Variants in STAT4 observed in about 807,000 individuals in gnomAD.
The protein encoded by STAT4 is signal transducer and activator of transcription 4.
STAT4 carries 42 observed loss-of-function variants against 110.5 expected under a neutral mutation model. That is an observed-to-expected ratio of 0.38 (90% CI 0.30 to 0.49). STAT4 has a LOEUF of 0.49. Among genes scored for constraint, STAT4 ranks in the 20% least tolerant of loss-of-function variants. The pLI, the probability that STAT4 is intolerant of heterozygous loss-of-function variation, is 0.95. For missense variants in STAT4, 632 were observed against 887.9 expected (o/e 0.71, Z 3.66); for synonymous variants, 284 against 302.2 (o/e 0.94, Z 0.63).
At chr2:191,075,647 G>A (rs1697293422) in intron 4 of STAT4, among the ~76,000 whole-genome samples, 2 of 152,092 alleles carry the variant, frequency 1.3e-5, no homozygotes, top group South Asian at 2.1e-4. Flanking sequence ...GGGAAATGAT[G>A]TATAGATAAG....
intron 3 of STAT4, among the ~76,000 whole-genome samples, chr2:191,128,544 A>AT (rs1343085122): frequency 3.3e-5 from 5 of 152,332 alleles, no homozygotes; most frequent in African/African-American, 7.2e-5. Flanking sequence ...CTGAAAAGAC[A>AT]TTTTTTACAG....
rs920894551 is a variant in STAT4 at position 191,030,655 on chromosome 2, T to C, written c.2220+317A>G. 1 of 235,644 alleles carries C rather than the reference T, an allele frequency of 4.2e-6. No homozygotes were observed. The highest frequency in any genetic ancestry group is 1.0e-4 in the East Asian group (1 of 9,784). The allele number at this position is 235,644 out of a possible 1,614,324, so 14.6% of individuals were successfully genotyped here. ...AAATGGTGTTTGCTAAAGTAGAGAGTGGTGGGGAGTGAGGGGGCCCATGGT... is the reference window on the plus strand; with the variant it reads ...AAATGGTGTTTGCTAAAGTAGAGAGCGGTGGGGAGTGAGGGGGCCCATGGT... On this transcript the variant is annotated intron_variant, in intron 23 of 23. Coordinates refer to ENST00000392320, the MANE Select transcript of STAT4 (RefSeq NM_003151.4). This position sits in a 1 kb window ranked among gnomAD's most constrained non-coding sequence, Gnocchi z 4.4.
chr2:191,141,433 CATATACATATGTATATCACAT>C (rs1197918074), intron 3 of STAT4, among the ~76,000 whole-genome samples: 1,327 of 40,146 alleles, frequency 0.033, 37 homozygotes, highest in African/African-American at 0.096. Flanking sequence ...CACATACATA[CATATACATATGTATATCACAT>C]ATATACATAT....
rs1398299066 is a variant in STAT4, at chr2:191,067,310, T to A, written c.545-795A>T. On this transcript the variant is annotated intron_variant, in intron 6 of 23. Coordinates refer to ENST00000392320, the MANE Select transcript of STAT4 (RefSeq NM_003151.4). Reference sequence around the variant, plus strand: ...TCAAGGTCTCTCTCAATCTTTCGTCTCTCCATAGCACACGTGAAGTGCTCG... The same window carrying A: ...TCAAGGTCTCTCTCAATCTTTCGTCACTCCATAGCACACGTGAAGTGCTCG... Among the ~76,000 whole-genome samples the A allele has an allele frequency of 3.3e-5, 5 of 152,056 alleles. 1 individual carries two copies. Among genetic ancestry groups the A allele is most frequent in the Non-Finnish European group, 7.4e-5 (5 of 67,994 alleles).
chr2:191,099,778 T>A lies in STAT4; in HGVS notation c.274-23453A>T, dbSNP rs1574154613. 6.6e-6 allele frequency among the ~76,000 whole-genome samples: 1 copy of A among 151,896 alleles called. No homozygotes were observed. The highest frequency in any genetic ancestry group is 2.4e-5 in the African/African-American group (1 of 41,366). ...TTGAAGGTAGTGGTGTGGATGGAGG[T>A]AAGGAAAAAAGAAGTGGGATAAAAA... On this transcript the variant is annotated intron_variant, in intron 3 of 23. Transcript: ENST00000392320. This position sits in a 1 kb window ranked among gnomAD's most constrained non-coding sequence, Gnocchi z 4.1.
At chr2:191,123,592 C>T (rs541416647) in intron 3 of STAT4, among the ~76,000 whole-genome samples, 48 of 152,300 alleles carry the variant, frequency 3.2e-4, no homozygotes, top group Non-Finnish European at 5.0e-4. Context: ...GTGTTTAATA[C>T]ACCTAACTTA....
chr2:191,112,732 G>A lies in STAT4; in HGVS notation c.273+33881C>T, dbSNP rs1358173035. Among the ~76,000 whole-genome samples, 5 of 152,196 alleles carry A rather than the reference G, an allele frequency of 3.3e-5. No homozygotes were observed. The highest frequency in any genetic ancestry group is 4.1e-4 in the South Asian group (2 of 4,832). ...GAGGAACACTGAAGCCTAGGGAGGG[G>A]AAGGTCGCCCAGTTACAAATGGTAG... On this transcript the variant is annotated intron_variant, in intron 3 of 23. Transcript: ENST00000392320. This position sits in a 1 kb window ranked among gnomAD's most constrained non-coding sequence, Gnocchi z 4.3.
intron 3 of STAT4, among the ~76,000 whole-genome samples, chr2:191,078,722 T>C (rs1259121481): frequency 6.6e-6 from 1 of 152,172 alleles, no homozygotes. Context: ...TCATTTTCTG[T>C]AGTGTATCAG....
At chr2:191,122,644 T>G (rs920972196) in intron 3 of STAT4, among the ~76,000 whole-genome samples, 2 of 152,222 alleles carry the variant, frequency 1.3e-5, no homozygotes, top group Non-Finnish European at 2.9e-5. Context: ...AATTGTACTA[T>G]AGTTATACAA....
chr2:191,062,806 G>C lies in STAT4; in HGVS notation c.897C>G (p.His299Gln). The change falls in exon 9 of 24, where the codon CAC becomes CAG. Residue 299 changes from histidine (H) to glutamine (Q), a missense_variant. By Grantham distance (24) the His-to-Gln change is conservative. This residue lies in a region of STAT4 where 488 missense variants were observed against 632.8 expected (regional missense o/e 0.77). Transcript: ENST00000392320. The surrounding 1 kb of genome is among the most constrained non-coding windows in gnomAD (Gnocchi z 4.9). ...EGDPIPMQRTHMLERVTFLIY... is the reference protein window; with the variant it reads ...EGDPIPMQRTQMLERVTFLIY... The stretch of plus-strand genomic sequence containing the variant: ...TCAAGAAGGTGACTCTTTCTAGCAT[G>C]TGAGTTCTTTGCATTGGAATGGGAT... The C allele has an allele frequency of 1.2e-6, 2 of 1,613,908 alleles. No individual in the cohort carries two copies. The highest frequency in any genetic ancestry group is 2.2e-5 in the South Asian group (2 of 91,082).
In STAT4 at chr2:191,037,876, G is replaced by A. The variant is rs1304369988; in HGVS notation, c.1434+1323C>T. 1.3e-5 allele frequency among the ~76,000 whole-genome samples: 2 copies of A among 152,230 alleles called. No homozygotes were observed. Among genetic ancestry groups the A allele is most frequent in the Non-Finnish European group, 2.9e-5 (2 of 68,038 alleles). On this transcript the variant is annotated intron_variant, in intron 16 of 23. Coordinates refer to ENST00000392320, the MANE Select transcript of STAT4 (RefSeq NM_003151.4). The surrounding 1 kb of genome is among the most constrained non-coding windows in gnomAD (Gnocchi z 4.8). ...AAGGCCTAAGGGCTTAGGTTTCAAA[G>A]CAGGATAGAATTAAGAGGAGAAACC...
chr2:191,130,269 C>T (rs1390986568), intron 3 of STAT4, among the ~76,000 whole-genome samples: 1 of 142,740 alleles, frequency 7.0e-6, no homozygotes, highest in East Asian at 2.1e-4. Flanking sequence ...GCCGCCCAGG[C>T]TGGAGTGCAG....
intron 14 of STAT4, among the ~76,000 whole-genome samples, chr2:191,041,854 G>C (rs1007247989): frequency 6.6e-6 from 1 of 152,206 alleles, no homozygotes; most frequent in African/African-American, 2.4e-5. Context: ...CTGGGCACAG[G>C]AGGGAGGTTT....
chr2:191,068,596 T>C (rs1327296577), intron 6 of STAT4: 1 of 152,190 alleles, frequency 6.6e-6, no homozygotes, highest in Non-Finnish European at 1.5e-5. Flanking sequence ...AAGATGATTC[T>C]GTAAATGGAA....
Position 191,030,910 on chromosome 2 carries a change from C to T in STAT4, c.2220+62G>A. Reference sequence around the variant, plus strand: ...GCAGTATTTCAGCCCCTTTGATTCACACACCACCTTTGCATCGTTGGAAAC... The same window carrying T: ...GCAGTATTTCAGCCCCTTTGATTCATACACCACCTTTGCATCGTTGGAAAC... On this transcript the variant is annotated intron_variant, in intron 23 of 23. Coordinates refer to ENST00000392320, the MANE Select transcript of STAT4 (RefSeq NM_003151.4). The surrounding 1 kb of genome is among the most constrained non-coding windows in gnomAD (Gnocchi z 4.4). 22 of 1,494,818 alleles carry T rather than the reference C, an allele frequency of 1.5e-5. No individual in the cohort carries two copies. The highest frequency in any genetic ancestry group is 2.0e-5 in the Non-Finnish European group (21 of 1,073,452). The allele number at this position is 1,494,818 out of a possible 1,614,324, so 92.6% of individuals were successfully genotyped here. A position where few individuals can be genotyped will look rare whatever the true frequency, so the allele number is the denominator to read the frequency against.
Position 191,146,696 on chromosome 2 carries a change from G to A in STAT4, c.190C>T (p.Leu64=). 6.3e-7 allele frequency: 1 copy of A among 1,589,600 alleles called. No homozygotes were observed. Among genetic ancestry groups the A allele is most frequent in the Non-Finnish European group, 8.6e-7 (1 of 1,168,644 alleles). Residue 64 remains leucine, a synonymous_variant, in exon 3 of 24, where the codon CTG becomes TTG. Transcript: ENST00000392320. This position sits in a 1 kb window ranked among gnomAD's most constrained non-coding sequence, Gnocchi z 4.5. ...GAAACACGACCTAACTGTTCATCCA[G>A]TTGTATTAACAAGTTTTGAAGAAGA... ...TILLQNLLIQ[L]DEQLGRVSKE...
At chr2:191,076,200 C>G (rs770859775) in intron 4 of STAT4, 27 bp downstream of exon 4, 1 of 1,583,752 alleles carries the variant, frequency 6.3e-7, no homozygotes, top group East Asian at 2.2e-5. Flanking sequence ...AAGGTGATAA[C>G]AAGATCACAA....
At chr2:191,095,134 C>T (rs1697932065) in intron 3 of STAT4, among the ~76,000 whole-genome samples, 1 of 152,046 alleles carries the variant, frequency 6.6e-6, no homozygotes, top group African/African-American at 2.4e-5. Context: ...GAGACTTAGA[C>T]TCCCACACAA....
At position 191,143,518 on chromosome 2, in the gene STAT4, T is replaced by C. The variant is rs1250240423; in HGVS notation, c.273+3095A>G. ...ACCTTGGAGCTTCTTGAATTTGCCA[T>C]CGGGAAACTGGTTTTGTTTTGTCCT... On this transcript the variant is annotated intron_variant, in intron 3 of 23. Transcript: ENST00000392320. The surrounding 1 kb of genome is among the most constrained non-coding windows in gnomAD (Gnocchi z 5.6). 6.6e-6 allele frequency among the ~76,000 whole-genome samples: 1 copy of C among 152,198 alleles called. No homozygotes were observed. The highest frequency in any genetic ancestry group is 2.4e-5 in the African/African-American group (1 of 41,450).
Sources: gnomAD v4.1 joint callset for allele counts (sites outside exome capture counted in the v4.1 genomes callset) on GRCh38, gnomAD v4.1.1 for gene constraint, gnomAD v4.1.1 regional missense constraint, Gnocchi (gnomAD v3.1) non-coding constraint, MANE v1.5 for transcripts, NCBI Gene and HGNC (gene_info 2026-07-23, HGNC 2026-07-21) for gene names.